The following FILIP1 variants were observed in gnomAD, a reference collection of about 807,000 sequenced individuals.
FILIP1 encodes the protein filamin-A-interacting protein 1.
In FILIP1, 61 loss-of-function variants were observed where a neutral mutation model predicts 102.1. The observed-to-expected ratio is 0.60, with a 90% CI of 0.49 to 0.74. The LOEUF is 0.74. FILIP1 is among the 30% of genes least tolerant of loss of function. The pLI is 0.00. For synonymous variants in FILIP1, 491 were observed against 526.9 expected, an observed-to-expected ratio of 0.93 and a Z score of 0.93; for missense variants, 1,314 against 1,441.2, an observed-to-expected ratio of 0.91 and a Z score of 1.43.
chr6:75,292,471 C>G (rs1329607511), exon 7 of FILIP1: 1 of 152,082 alleles, frequency 6.6e-6, no homozygotes, highest in East Asian at 1.9e-4. Flanking sequence ...AGGTAACACA[C>G]ACAGTTGTTA....
At chr6:75,407,660 A>G (rs549032464) in intron 2 of FILIP1, among the ~76,000 whole-genome samples, 1 of 152,182 alleles carries the variant, frequency 6.6e-6, no homozygotes. Context: ...GAAAATACCA[A>G]CGCCAAATGG....
At chr6:75,415,326 G>A (rs1299839168) in intron 1 of FILIP1, among the ~76,000 whole-genome samples, 1 of 151,366 alleles carries the variant, frequency 6.6e-6, no homozygotes, top group East Asian at 1.9e-4. Flanking sequence ...GAGGAAACTG[G>A]GTGTAGGGCA....
intron 1 of FILIP1, among the ~76,000 whole-genome samples, chr6:75,451,209 T>G (rs111490582): frequency 6.7e-6 from 1 of 149,668 alleles, no homozygotes; most frequent in Admixed American, 6.7e-5. Flanking sequence ...AATTATAAAA[T>G]AGAAACATTA....
At chr6:75,445,426 C>T (rs956530585) in intron 1 of FILIP1, among the ~76,000 whole-genome samples, 3 of 152,150 alleles carry the variant, frequency 2.0e-5, no homozygotes, top group African/African-American at 7.2e-5. Context: ...TGTCTCTCTC[C>T]TACTCCCCAC....
intron 2 of FILIP1, among the ~76,000 whole-genome samples, chr6:75,388,515 T>C (rs1776174945): frequency 6.6e-6 from 1 of 152,230 alleles, no homozygotes; most frequent in African/African-American, 2.4e-5. Context: ...TCCATGAGCA[T>C]GGAATGTTTT....
chr6:75,295,943 G>A, exon 7 of FILIP1: 1 of 1,461,940 alleles, frequency 6.8e-7, no homozygotes, highest in Non-Finnish European at 9.0e-7. Context: ...GGTGAATGAT[G>A]ATGCTTTCTA....
chr6:75,441,813 G>A (rs1422058019), intron 1 of FILIP1, among the ~76,000 whole-genome samples: 2 of 149,018 alleles, frequency 1.3e-5, no homozygotes, highest in Non-Finnish European at 3.0e-5. Context: ...CCTCCCGGAC[G>A]GGGCGGCTGG....
At chr6:75,377,936 T>C (rs961134926) in intron 2 of FILIP1, among the ~76,000 whole-genome samples, 1 of 152,218 alleles carries the variant, frequency 6.6e-6, no homozygotes, top group Admixed American at 6.5e-5. Context: ...TGAACAACAG[T>C]TGATCCTCAT....
intron 2 of FILIP1, among the ~76,000 whole-genome samples, chr6:75,384,662 G>A (rs1299783942): frequency 6.6e-6 from 1 of 152,106 alleles, no homozygotes; most frequent in Non-Finnish European, 1.5e-5. Context: ...TCTAGAGCAT[G>A]AAATAGCATT....
chr6:75,392,220 T>C (rs146440293), intron 2 of FILIP1, among the ~76,000 whole-genome samples: 1 of 152,234 alleles, frequency 6.6e-6, no homozygotes, highest in Non-Finnish European at 1.5e-5. Context: ...ATCTTTTCTA[T>C]CTAAATTTGC....
intron 1 of FILIP1, chr6:75,465,435 C>T: frequency 1.2e-6 from 1 of 817,292 alleles, no homozygotes; most frequent in Non-Finnish European, 1.9e-6. Flanking sequence ...ACCCATTTCA[C>T]TGACCCATAT....
At chr6:75,405,682 C>T (rs189739722) in intron 2 of FILIP1, among the ~76,000 whole-genome samples, 3 of 152,156 alleles carry the variant, frequency 2.0e-5, no homozygotes, top group Admixed American at 1.3e-4. Context: ...CGCACATGGC[C>T]CCTGCTGCTG....
chr6:75,426,414 A>G (rs143927869), intron 1 of FILIP1, among the ~76,000 whole-genome samples: 134 of 152,312 alleles, frequency 8.8e-4, no homozygotes, highest in Non-Finnish European at 1.7e-3. Flanking sequence ...TGGCCATGCC[A>G]TGGGATATGC....
At chr6:75,487,015 C>T (rs770168925) in intron 1 of FILIP1, among the ~76,000 whole-genome samples, 5 of 151,992 alleles carry the variant, frequency 3.3e-5, no homozygotes, top group South Asian at 2.1e-4. Context: ...AAGACCAGAA[C>T]GAACAACAGG....
chr6:75,398,488 T>C (rs543144742), intron 2 of FILIP1, among the ~76,000 whole-genome samples: 107 of 152,250 alleles, frequency 7.0e-4, no homozygotes, highest in African/African-American at 2.4e-3. Flanking sequence ...TAAGGATCAC[T>C]GAGGCCGAAA....
intron 2 of FILIP1, among the ~76,000 whole-genome samples, chr6:75,366,554 GT>G (rs1775343153): frequency 6.6e-6 from 1 of 152,136 alleles, no homozygotes; most frequent in Non-Finnish European, 1.5e-5. Flanking sequence ...CATTTATGAA[GT>G]TGGATCATAA....
chr6:75,338,378 C>T (rs970789610), intron 4 of FILIP1, among the ~76,000 whole-genome samples: 2 of 152,138 alleles, frequency 1.3e-5, no homozygotes, highest in African/African-American at 4.8e-5. Flanking sequence ...AACTTTTCAC[C>T]ACCATGAAGC....
At chr6:75,310,107 C>T (rs911271452) in intron 5 of FILIP1, among the ~76,000 whole-genome samples, 7 of 152,208 alleles carry the variant, frequency 4.6e-5, no homozygotes, top group South Asian at 2.1e-4. Flanking sequence ...TTGCCCCATG[C>T]GCAACTGTTA....
chr6:75,315,257 G>A (rs1276182719), intron 4 of FILIP1, 55 bp from the exon 5 acceptor site: 10 of 1,176,116 alleles, frequency 8.5e-6, no homozygotes, highest in Non-Finnish European at 1.1e-5. Flanking sequence ...ACAGATTTAA[G>A]CATTGATATT....
Sources: gnomAD v4.1 joint callset for allele counts (sites outside exome capture counted in the v4.1 genomes callset) on GRCh38, gnomAD v4.1.1 for gene constraint, MANE v1.5 for transcripts, NCBI Gene and HGNC (gene_info 2026-07-23, HGNC 2026-07-21) for gene names.